The following FANCA variants were observed in gnomAD, a reference collection of about 807,000 sequenced individuals.
The protein encoded by FANCA is FA complementation group A.
In FANCA, 236 loss-of-function variants were observed where a neutral mutation model predicts 194.3. The ratio of observed to expected loss-of-function variants is 1.21; its 90% CI spans 1.09 to 1.35. FANCA has a LOEUF of 1.35. FANCA is among the 40% of genes most tolerant of loss of function. The pLI, the probability that FANCA is intolerant of heterozygous loss-of-function variation, is 0.00. For synonymous variants in FANCA, 1,014 were observed against 715.8 expected, an observed-to-expected ratio of 1.42 and a Z score of -6.65; for missense variants, 2,628 against 1,813.9, an observed-to-expected ratio of 1.45 and a Z score of -8.15.
chr16:89,764,012 C>T (rs1489479507), intron 28 of FANCA, among the ~76,000 whole-genome samples: 1 of 151,992 alleles, frequency 6.6e-6, no homozygotes, highest in Non-Finnish European at 1.5e-5. Flanking sequence ...GAGGCCAAGG[C>T]GTGTGGGTAA....
At chr16:89,777,020 G>A (rs914217734) in intron 20 of FANCA, among the ~76,000 whole-genome samples, 1 of 152,012 alleles carries the variant, frequency 6.6e-6, no homozygotes, top group Non-Finnish European at 1.5e-5. Context: ...GAGAAGCCTG[G>A]GCAACACAGC....
At chr16:89,799,993 C>T (rs992272049) in intron 8 of FANCA, among the ~76,000 whole-genome samples, 3 of 151,852 alleles carry the variant, frequency 2.0e-5, no homozygotes, top group Non-Finnish European at 4.4e-5. Context: ...GACTCCGTCT[C>T]GGAAAAAAGA....
At chr16:89,768,095 C>A (rs1169966844) in intron 26 of FANCA, among the ~76,000 whole-genome samples, 1 of 152,178 alleles carries the variant, frequency 6.6e-6, no homozygotes, top group African/African-American at 2.4e-5. Context: ...AAGTTCAAGA[C>A]CAGCTTGGGC....
At chr16:89,782,189 C>G (rs1369643672) in intron 17 of FANCA, among the ~76,000 whole-genome samples, 1 of 151,396 alleles carries the variant, frequency 6.6e-6, no homozygotes, top group Non-Finnish European at 1.5e-5. Flanking sequence ...TCCTGGCTAA[C>G]ACGGTGAAAC....
At chr16:89,774,476 A>G (rs568693634) in intron 21 of FANCA, among the ~76,000 whole-genome samples, 1 of 151,972 alleles carries the variant, frequency 6.6e-6, no homozygotes, top group Non-Finnish European at 1.5e-5. Context: ...CCCACCTGTA[A>G]TCCCAGCACT....
intron 29 of FANCA, among the ~76,000 whole-genome samples, chr16:89,761,525 G>C (rs1431711471): frequency 1.3e-5 from 2 of 150,600 alleles, no homozygotes; most frequent in Admixed American, 6.6e-5. Context: ...AATTGAAATT[G>C]TGCTCAAAGA....
At chr16:89,784,421 TAAAAAA>T (rs59766959) in intron 15 of FANCA, among the ~76,000 whole-genome samples, 4 of 118,306 alleles carry the variant, frequency 3.4e-5, no homozygotes, top group Admixed American at 3.4e-4. Context: ...CACATGAAAT[TAAAAAA>T]AAAAAAAAAA....
chr16:89,748,196 G>A (rs45567439), intron 33 of FANCA, among the ~76,000 whole-genome samples: 9,073 of 152,248 alleles, frequency 0.06, 417 homozygotes, highest in East Asian at 0.22. Flanking sequence ...GTGAGCCACC[G>A]CACCCAGCCT....
In FANCA at chr16:89,799,537, A is replaced by T. The variant is rs1238347194; in HGVS notation, c.826+68T>A. Reference sequence around the variant, plus strand: ...GAAATACCTCAAATGGAAAGGCAGAAAACTGATACAATTGCTAATAAGCAA... The same window carrying T: ...GAAATACCTCAAATGGAAAGGCAGATAACTGATACAATTGCTAATAAGCAA... On this transcript the variant is annotated intron_variant, in intron 9 of 42. Coordinates refer to ENST00000389301, the MANE Select transcript of FANCA (RefSeq NM_000135.4). The T allele has an allele frequency of 3.5e-6, 5 of 1,427,864 alleles. No individual in the cohort carries two copies. In the African/African-American group the frequency reaches 5.7e-5, roughly 16 times the overall value. The allele number at this position is 1,427,864 out of a possible 1,614,324, so 88.4% of individuals were successfully genotyped here. A position where few individuals can be genotyped will look rare whatever the true frequency, so the allele number is the denominator to read the frequency against.
At chr16:89,796,502 G>T (rs1226656544) in intron 10 of FANCA, among the ~76,000 whole-genome samples, 2 of 152,200 alleles carry the variant, frequency 1.3e-5, no homozygotes, top group Admixed American at 1.3e-4. Context: ...ATGAAGATGA[G>T]GAAGGAATGG....
intron 40 of FANCA, 50 bp downstream of exon 40, chr16:89,739,428 G>A (rs572335110): frequency 1.3e-6 from 2 of 1,553,246 alleles, no homozygotes; most frequent in South Asian, 1.2e-5. Context: ...GCTGAGATGG[G>A]GGTCTGGGAA....
At chr16:89,780,144 C>T (rs957387285) in intron 17 of FANCA, among the ~76,000 whole-genome samples, 187 bp from the exon 18 acceptor site, 19 of 152,174 alleles carry the variant, frequency 1.2e-4, no homozygotes, top group African/African-American at 4.6e-4. Context: ...AATACCAGCA[C>T]GACAGGGGAG....
intron 17 of FANCA, among the ~76,000 whole-genome samples, chr16:89,781,113 C>G (rs9939756): frequency 2.0e-5 from 3 of 151,758 alleles, no homozygotes; most frequent in Non-Finnish European, 4.4e-5. Flanking sequence ...GCCTGTAATC[C>G]CAGCACTTTG....
chr16:89,779,957 G>C lies in FANCA; in HGVS notation c.1627C>G (p.Pro543Ala), dbSNP rs763074159. The C allele has an allele frequency of 6.2e-7, 1 of 1,614,048 alleles. No individual in the cohort carries two copies. The highest frequency in any genetic ancestry group is 1.1e-5 in the South Asian group (1 of 91,076). ...DLSSAGDITEPHSQALQDVEK... is the reference protein window; with the variant it reads ...DLSSAGDITEAHSQALQDVEK... ...ACATCCTGAAGAGCTTGGCTGTGGG[G>C]CTGGTTCCCATACAGGGAGGAAAGG... Residue 543 changes from proline to alanine, a missense_variant and splice_region_variant, in exon 18 of 43, where the codon CCC becomes GCC. Pro to Ala is a conservative substitution (Grantham distance 27). Coordinates refer to ENST00000389301, the MANE Select transcript of FANCA (RefSeq NM_000135.4).
intron 12 of FANCA, 26 bp from the exon 13 acceptor site, chr16:89,792,094 C>T (rs1474404951): frequency 6.2e-7 from 1 of 1,614,002 alleles, no homozygotes; most frequent in Admixed American, 1.7e-5. Flanking sequence ...CCGCTCCCTT[C>T]AATATCCAAG....
intron 15 of FANCA, 52 bp downstream of exon 15, chr16:89,784,802 C>G (rs574334395): frequency 1.4e-6 from 2 of 1,404,696 alleles, no homozygotes; most frequent in Admixed American, 3.3e-5. Context: ...TCCTCAGATG[C>G]AGCAGGTGAG....
At chr16:89,801,066 C>T (rs1280442965) in intron 8 of FANCA, among the ~76,000 whole-genome samples, 1 of 149,172 alleles carries the variant, frequency 6.7e-6, no homozygotes, top group Non-Finnish European at 1.5e-5. Flanking sequence ...AAAAAAAAGG[C>T]CAGGCACGGT....
chr16:89,756,764 G>A (rs1022260547), intron 30 of FANCA, among the ~76,000 whole-genome samples: 5 of 143,166 alleles, frequency 3.5e-5, no homozygotes, highest in Non-Finnish European at 7.4e-5. Context: ...GAAGCTGGAA[G>A]GCTGAAGAGA....
In FANCA at chr16:89,779,935, T is replaced by A. The variant is rs2039643972; in HGVS notation, c.1649A>T (p.Asp550Val). Residue 550 changes from aspartate to valine, a missense_variant, in exon 18 of 43, where the codon GAT (aspartate) becomes GTT (valine). Physicochemically the swap from Asp to Val is radical, Grantham distance 152. Transcript: ENST00000389301. ...AAACACCATGATGGCCTTTTCAACA[T>A]CCTGAAGAGCTTGGCTGTGGGGCTG... ...ITEPHSQALQ[D>V]VEKAIMVFEH... The A allele has an allele frequency of 1.2e-6, 2 of 1,613,988 alleles. No homozygotes were observed. The highest frequency in any genetic ancestry group is 8.5e-7 in the Non-Finnish European group (1 of 1,180,026).
Sources: gnomAD v4.1 joint callset for allele counts (sites outside exome capture counted in the v4.1 genomes callset) on GRCh38, gnomAD v4.1.1 for gene constraint, MANE v1.5 for transcripts, NCBI Gene and HGNC (gene_info 2026-07-23, HGNC 2026-07-21) for gene names.